Variants in SNX14 observed in about 807,000 individuals in gnomAD.
SNX14 encodes sorting nexin 14.
In SNX14, 93 loss-of-function variants were observed where a neutral mutation model predicts 133.8. That is an observed-to-expected ratio of 0.70 (90% CI 0.59 to 0.83). The LOEUF is 0.83. Among genes scored for constraint, SNX14 ranks in the 40% least tolerant of loss-of-function variants. The pLI is 0.00. For synonymous variants in SNX14, 368 were observed against 365.6 expected (o/e 1.01, Z -0.07); for missense variants, 945 against 1,094.9 (o/e 0.86, Z 1.93).
rs537835811 is a variant in SNX14, at chr6:85,568,974, T to C, written c.418-1397A>G. Among the ~76,000 whole-genome samples the C allele has an allele frequency of 1.1e-3, 167 of 151,968 alleles. 3 individuals are homozygous for C. The highest frequency in any genetic ancestry group is 9.6e-3 in the Admixed American group (147 of 15,284). ...AGTAGTGCTTTTCTTTTCTTTTTTT[T>C]TTTTTTTTGAGGCGGAGTTTCACTC... On this transcript the variant is annotated intron_variant, in intron 4 of 28. Coordinates refer to ENST00000314673, the MANE Select transcript of SNX14 (RefSeq NM_153816.6).
intron 6 of SNX14, among the ~76,000 whole-genome samples, chr6:85,564,221 G>A (rs189555258): frequency 4.3e-4 from 66 of 152,280 alleles, no homozygotes; most frequent in East Asian, 1.5e-3. Flanking sequence ...GAATAGTGCC[G>A]CAATAAACAT....
Position 85,547,410 on chromosome 6 carries a change from G to C in SNX14, c.913-13C>G. 6.2e-7 allele frequency: 1 copy of C among 1,612,024 alleles called. No individual in the cohort carries two copies. Among genetic ancestry groups the C allele is most frequent in the Non-Finnish European group, 8.5e-7 (1 of 1,179,546 alleles). ...TTGCTTTTTCAGGCTTTGAAAGAAA[G>C]AGAATTATTAACTCAGTAAAATTCC... On this transcript the variant is annotated splice_polypyrimidine_tract_variant and intron_variant, in intron 10 of 28. Coordinates refer to ENST00000314673, the MANE Select transcript of SNX14 (RefSeq NM_153816.6).
In SNX14 at chr6:85,505,668, A is replaced by C; in HGVS notation, c.*299T>G. The C allele has an allele frequency of 3.0e-6, 1 of 328,950 alleles. No individual in the cohort carries two copies. The highest frequency in any genetic ancestry group is 4.2e-5 in the South Asian group (1 of 24,074). 20.4% of individuals were successfully genotyped at this position (328,950 alleles called of 1,614,324 possible). A position where few individuals can be genotyped will look rare whatever the true frequency, so the allele number is the denominator to read the frequency against. The stretch of plus-strand genomic sequence containing the variant: ...TTATTTTCAAAGCTATACAATACGA[A>C]GTTTATCAGTCTTATCTGTTTGCCA... On this transcript the variant is annotated 3_prime_UTR_variant, in exon 29 of 29. Transcript: ENST00000314673.
chr6:85,539,016 T>C (rs1032867059), intron 15 of SNX14, 152 bp from the exon 16 acceptor site: 7 of 534,154 alleles, frequency 1.3e-5, no homozygotes, highest in Admixed American at 4.1e-5. Context: ...GGAAGAAATC[T>C]TCATGAATAA....
chr6:85,523,074 A>G (rs1777407495), intron 21 of SNX14, among the ~76,000 whole-genome samples: 1 of 152,248 alleles, frequency 6.6e-6, no homozygotes, highest in Non-Finnish European at 1.5e-5. Flanking sequence ...AAAGAGTATA[A>G]ACAAAGGCAT....
Position 85,593,712 on chromosome 6 carries a change from G to A in SNX14, c.7C>T (p.Pro3Ser), listed in dbSNP as rs923157402. ...TTCTGCCCCATCGTCCGCACCCAGGGCACCATCTCCGTAACGGCGAGGCCG... is the reference window on the plus strand; with the variant it reads ...TTCTGCCCCATCGTCCGCACCCAGGACACCATCTCCGTAACGGCGAGGCCG... MV[P>S]WVRTMGQKLK... Residue 3 changes from proline to serine, a missense_variant, in exon 1 of 29, where the codon CCC becomes TCC. Physicochemically the swap from Pro to Ser is moderately conservative, Grantham distance 74. Around this residue, in one of 3 missense-constraint regions of SNX14, gnomAD observed 514 missense variants for 538.8 expected, o/e 0.95. Coordinates refer to ENST00000314673, the MANE Select transcript of SNX14 (RefSeq NM_153816.6). 3 of 1,613,664 alleles carry A rather than the reference G, an allele frequency of 1.9e-6. No individual in the cohort carries two copies. The highest frequency in any genetic ancestry group is 2.5e-6 in the Non-Finnish European group (3 of 1,179,932).
At chr6:85,561,065 G>A (rs534014373) in intron 6 of SNX14, 1 of 150,244 alleles carries the variant, frequency 6.7e-6, no homozygotes, top group South Asian at 2.1e-4. Context: ...TGGGCACGGT[G>A]GCTCACATCT....
intron 5 of SNX14, among the ~76,000 whole-genome samples, chr6:85,567,137 AAGG>A (rs1462884525): frequency 6.6e-6 from 1 of 152,250 alleles, no homozygotes; most frequent in African/African-American, 2.4e-5. Context: ...TAGGAGTGAT[AAGG>A]AATTCTACAA....
At chr6:85,569,739 C>T (rs889731257) in intron 4 of SNX14, among the ~76,000 whole-genome samples, 1 of 152,088 alleles carries the variant, frequency 6.6e-6, no homozygotes, top group African/African-American at 2.4e-5. Flanking sequence ...ATTTCATTTA[C>T]CTTTGGTAAA....
At chr6:85,584,732 TA>T (rs1297550461) in intron 1 of SNX14, among the ~76,000 whole-genome samples, 1 of 152,090 alleles carries the variant, frequency 6.6e-6, no homozygotes, top group Admixed American at 6.6e-5. Flanking sequence ...TGGTGATCAT[TA>T]AAAAGTCAGG....
intron 8 of SNX14, 79 bp from the exon 9 acceptor site, chr6:85,548,455 G>T: frequency 1.9e-6 from 2 of 1,079,214 alleles, no homozygotes; most frequent in South Asian, 1.6e-5. Flanking sequence ...TGTGAATTAC[G>T]TAAGGATCTT....
At chr6:85,540,493 A>T (rs944663109) in intron 15 of SNX14, among the ~76,000 whole-genome samples, 6 of 152,238 alleles carry the variant, frequency 3.9e-5, no homozygotes, top group African/African-American at 7.2e-5. Flanking sequence ...CGCTATTTTA[A>T]ATAGCATGAA....
In SNX14 at chr6:85,547,227, C is replaced by G; in HGVS notation, c.994-1G>C. 1 of 1,613,300 alleles carries G rather than the reference C, an allele frequency of 6.2e-7. No homozygotes were observed. Among genetic ancestry groups the G allele is most frequent in the Non-Finnish European group, 8.5e-7 (1 of 1,179,500 alleles). On this transcript the variant is annotated splice_acceptor_variant, in intron 11 of 28. Coordinates refer to ENST00000314673, the MANE Select transcript of SNX14 (RefSeq NM_153816.6). LOFTEE classifies it high-confidence loss of function. ...TTTGCTTCAATTCTAACTTCAGCAC[C>G]TTGATATAAGAGAAAGATTAAGTTT...
intron 7 of SNX14, among the ~76,000 whole-genome samples, chr6:85,550,494 A>G (rs1051304746): frequency 1.3e-5 from 2 of 152,086 alleles, no homozygotes; most frequent in Non-Finnish European, 2.9e-5. Flanking sequence ...CAAAATTATT[A>G]TTATTATCAT....
chr6:85,573,210 T>C (rs1796241099), intron 2 of SNX14, among the ~76,000 whole-genome samples: 1 of 152,220 alleles, frequency 6.6e-6, no homozygotes, highest in East Asian at 1.9e-4. Context: ...CCAGGCGCAG[T>C]GGCTCACGCC....
chr6:85,557,934 T>TA, intron 7 of SNX14, 42 bp downstream of exon 7: 5 of 1,231,020 alleles, frequency 4.1e-6, no homozygotes, highest in Non-Finnish European at 4.7e-6. Flanking sequence ...AATTGGTGTA[T>TA]AAAAACAAAA....
chr6:85,578,225 A>G (rs987419431), intron 1 of SNX14, among the ~76,000 whole-genome samples: 1 of 152,202 alleles, frequency 6.6e-6, no homozygotes, highest in African/African-American at 2.4e-5. Flanking sequence ...TAAATGAGAG[A>G]AATGTCTCTT....
intron 8 of SNX14, among the ~76,000 whole-genome samples, chr6:85,549,261 T>C (rs976861019): frequency 8.5e-5 from 13 of 152,190 alleles, no homozygotes; most frequent in Middle Eastern, 3.4e-3. Flanking sequence ...AGGTAACTTA[T>C]GGAATAATCT....
chr6:85,517,892 T>C lies in SNX14; in HGVS notation c.2149-17A>G. 6.3e-7 allele frequency: 1 copy of C among 1,581,956 alleles called. No homozygotes were observed. Among genetic ancestry groups the C allele is most frequent in the East Asian group, 2.2e-5 (1 of 44,532 alleles). ...CTGACCTTTCTGTGGTGATAGATTA[T>C]TGTAAGAAAATAAAAAATAAAGGTA... On this transcript the variant is annotated splice_polypyrimidine_tract_variant and intron_variant, in intron 22 of 28. Transcript: ENST00000314673.
Sources: allele counts gnomAD v4.1 joint callset (sites outside exome capture counted in the v4.1 genomes callset), GRCh38; gene constraint gnomAD v4.1.1; regional missense constraint gnomAD v4.1.1; transcripts MANE v1.5; gene names NCBI Gene and HGNC (gene_info 2026-07-23, HGNC 2026-07-21).